KTN1: variants seen among roughly 807,000 people sequenced by gnomAD.
KTN1 encodes the protein kinectin 1.
KTN1 carries 130 observed loss-of-function variants against 222.5 expected under a neutral mutation model. The observed-to-expected ratio is 0.58, with a 90% CI of 0.51 to 0.68. The LOEUF (loss-of-function observed/expected upper bound fraction) is 0.68, where lower values mean the gene tolerates loss of function less well. Among genes scored for constraint, KTN1 ranks in the 30% least tolerant of loss-of-function variants. The probability of loss-of-function intolerance (pLI) is 0.00; values close to 1 mark genes in which losing one functional copy is unlikely to be tolerated. For missense variants in KTN1, 1,508 were observed against 1,500.4 expected, an observed-to-expected ratio of 1.01 and a Z score of -0.08; for synonymous variants, 512 against 496.3, an observed-to-expected ratio of 1.03 and a Z score of -0.42.
chr14:55,636,438 A>G lies in KTN1; in HGVS notation c.1462-11A>G, dbSNP rs777437786. 5.0e-6 allele frequency: 8 copies of G among 1,596,694 alleles called. No homozygotes were observed. Among genetic ancestry groups the G allele is most frequent in the African/African-American group, 4.0e-5 (3 of 74,550 alleles). On this transcript the variant is annotated splice_polypyrimidine_tract_variant and intron_variant, in intron 9 of 43. Transcript: ENST00000395314. ...TGCTAATTTATCCTTTCTCCCTTTT[A>G]AAATACCAAGGTTCAACTACAAGAA...
In KTN1 at chr14:55,612,280, G is replaced by T; in HGVS notation, c.232G>T (p.Glu78Ter). 6.2e-7 allele frequency: 1 copy of T among 1,609,008 alleles called. No homozygotes were observed. Among genetic ancestry groups the T allele is most frequent in the Non-Finnish European group, 8.5e-7 (1 of 1,178,942 alleles). Residue 78 changes from glutamate to a stop codon, truncating the protein, a stop_gained, in exon 2 of 44, where the codon GAG (glutamate) becomes TAG (stop). Transcript: ENST00000395314. LOFTEE classifies it high-confidence loss of function. ...QNGNLHESDS[E>*]SVPRDFKLSD... The stretch of plus-strand genomic sequence containing the variant: ...TGGAAACCTCCATGAATCCGACTCT[G>T]AGAGTGTACCTCGAGACTTTAAATT...
chr14:55,588,659 C>G (rs896119311), intron 1 of KTN1, among the ~76,000 whole-genome samples: 6 of 152,156 alleles, frequency 3.9e-5, no homozygotes, highest in Non-Finnish European at 1.5e-5. Flanking sequence ...TACAGTGGTA[C>G]AGTATGTACT....
chr14:55,661,420 T>G (rs1595187284), intron 31 of KTN1, 102 bp from the exon 32 acceptor site: 1 of 665,156 alleles, frequency 1.5e-6, no homozygotes, highest in East Asian at 2.6e-5. Flanking sequence ...GTGCTATCTC[T>G]TGATATTTTT....
In KTN1 at chr14:55,684,578, A is replaced by G. The variant is rs1235413972; in HGVS notation, c.*475A>G. The G allele has an allele frequency of 1.1e-5, 2 of 185,160 alleles. No homozygotes were observed. The highest frequency in any genetic ancestry group is 2.3e-5 in the African/African-American group (1 of 42,724). 11.5% of individuals were successfully genotyped at this position (185,160 alleles called of 1,614,324 possible). On this transcript the variant is annotated 3_prime_UTR_variant, in exon 44 of 44. Transcript: ENST00000395314. ...CAAATAAAAGGATGCTTATTATTCA[A>G]ACTTGACTTGTTCTAATTTTTATTG...
At chr14:55,591,964 G>T (rs1446520747) in intron 1 of KTN1, among the ~76,000 whole-genome samples, 1 of 152,172 alleles carries the variant, frequency 6.6e-6, no homozygotes, top group Non-Finnish European at 1.5e-5. Flanking sequence ...TCATTTTTCT[G>T]TTGGGTTTAT....
intron 9 of KTN1, 69 bp from the exon 10 acceptor site, chr14:55,636,380 T>TC: frequency 8.2e-7 from 1 of 1,213,526 alleles, no homozygotes; most frequent in Non-Finnish European, 1.2e-6. Flanking sequence ...ATGCTTTTTT[T>TC]CCCTCTTTTT....
At chr14:55,619,127 T>C in intron 4 of KTN1, 55 bp from the exon 5 acceptor site, 1 of 1,422,400 alleles carries the variant, frequency 7.0e-7, no homozygotes, top group South Asian at 1.2e-5. Flanking sequence ...GCTGAAGTTA[T>C]TATTTGTGTT....
At chr14:55,617,185 A>G (rs762045919) in intron 3 of KTN1, among the ~76,000 whole-genome samples, 2 of 152,230 alleles carry the variant, frequency 1.3e-5, no homozygotes, top group African/African-American at 4.8e-5. Flanking sequence ...TGACATATCA[A>G]TTAGGTATGA....
intron 8 of KTN1, 116 bp from the exon 9 acceptor site, chr14:55,634,410 T>C: frequency 3.8e-6 from 3 of 781,062 alleles, no homozygotes; most frequent in South Asian, 2.4e-5. Flanking sequence ...TCTGTTTCAG[T>C]TGGGCTGTAA....
At chr14:55,646,528 TCCTTTCCTTTCCTTTC>T (rs1477385631) in intron 18 of KTN1, among the ~76,000 whole-genome samples, 7 of 144,642 alleles carry the variant, frequency 4.8e-5, no homozygotes, top group African/African-American at 1.6e-4. Flanking sequence ...TCCTTTCCTT[TCCTTTCCTTTCCTTTC>T]CTTCTCTCTT....
chr14:55,635,580 A>G (rs940747840), intron 9 of KTN1, among the ~76,000 whole-genome samples: 11 of 152,204 alleles, frequency 7.2e-5, no homozygotes, highest in African/African-American at 2.7e-4. Context: ...TACTATGAAG[A>G]GATGCATGGC....
At chr14:55,671,938 C>A in intron 37 of KTN1, 61 bp downstream of exon 37, 1 of 955,176 alleles carries the variant, frequency 1.0e-6, no homozygotes, top group Non-Finnish European at 1.7e-6. Flanking sequence ...GAACCAGCAG[C>A]ATCAGCATCA....
intron 1 of KTN1, among the ~76,000 whole-genome samples, chr14:55,600,867 A>G (rs1487141853): frequency 5.3e-5 from 8 of 151,586 alleles, no homozygotes; most frequent in African/African-American, 1.5e-4. Flanking sequence ...TTGTCTAATT[A>G]TAAATTAGAT....
At chr14:55,671,213 G>A (rs1030226845) in intron 35 of KTN1, 11 of 256,848 alleles carry the variant, frequency 4.3e-5, no homozygotes, top group African/African-American at 2.0e-4. Flanking sequence ...TGAAATTGGG[G>A]GGGATTTATT....
rs565899522 is a variant in KTN1, at chr14:55,591,759, A to G, written c.-31+11405A>G. 2.0e-5 allele frequency among the ~76,000 whole-genome samples: 3 copies of G among 151,914 alleles called. No individual in the cohort carries two copies. The South Asian group carries it at 6.2e-4, about 32-fold the overall frequency. On this transcript the variant is annotated intron_variant, in intron 1 of 43. Coordinates refer to ENST00000395314, the MANE Select transcript of KTN1 (RefSeq NM_001079521.2). ...ACCTGGCTAATTTTGTATTTTTAGT[A>G]GAGATAGGGTTTCTCCATGTTGCTC...
At chr14:55,670,606 C>T (rs2045353767) in intron 34 of KTN1, 123 bp from the exon 35 acceptor site, 1 of 600,054 alleles carries the variant, frequency 1.7e-6, no homozygotes, top group Non-Finnish European at 2.8e-6. Flanking sequence ...GTAGCAATGT[C>T]CTGTTTGTCT....
At position 55,640,492 on chromosome 14, in the gene KTN1, A is replaced by G. The variant is rs766572154; in HGVS notation, c.1983+50A>G. On this transcript the variant is annotated intron_variant, in intron 15 of 43. Transcript: ENST00000395314. ...TTGATCTCAGAATTTCAATTTGCGT[A>G]TTCTTATTTTCATTGATATTGTGAG... 3 of 1,307,370 alleles carry G rather than the reference A, an allele frequency of 2.3e-6. No individual in the cohort carries two copies. In the Admixed American group the frequency reaches 6.1e-5, roughly 26 times the overall value. The allele number at this position is 1,307,370 out of a possible 1,614,324, so 81.0% of individuals were successfully genotyped here.
chr14:55,580,946 A>C (rs2140266384), intron 1 of KTN1, among the ~76,000 whole-genome samples: 1 of 152,284 alleles, frequency 6.6e-6, no homozygotes, highest in South Asian at 2.1e-4. Context: ...TCCCCAGGTC[A>C]GGGCGGGAGG....
chr14:55,650,514 T>C, intron 23 of KTN1, 55 bp from the exon 24 acceptor site: 3 of 1,529,574 alleles, frequency 2.0e-6, no homozygotes, highest in Non-Finnish European at 2.7e-6. Context: ...CATTGCATTT[T>C]ATGTCAATTT....
Sources: allele counts gnomAD v4.1 joint callset (sites outside exome capture counted in the v4.1 genomes callset), GRCh38; gene constraint gnomAD v4.1.1; transcripts MANE v1.5; gene names NCBI Gene and HGNC (gene_info 2026-07-23, HGNC 2026-07-21).